TRPV6: variants seen among roughly 807,000 people sequenced by gnomAD.
TRPV6 encodes Alu-binding protein with zinc finger domain.
TRPV6 carries 39 observed loss-of-function variants against 79.0 expected under a neutral mutation model. The observed-to-expected ratio is 0.49, with a 90% CI of 0.38 to 0.64. The LOEUF is 0.64. Ranked by LOEUF, TRPV6 falls within the 30% of genes least tolerant of loss-of-function variation. The pLI, the probability that TRPV6 is intolerant of heterozygous loss-of-function variation, is 0.00. For missense variants in TRPV6, 813 were observed against 1,011.1 expected (o/e 0.80, Z 2.66); for synonymous variants, 373 against 391.9 (o/e 0.95, Z 0.57).
intron 14 of TRPV6, 143 bp downstream of exon 14, chr7:142,872,229 C>T (rs1794952072): frequency 6.0e-6 from 6 of 998,200 alleles, no homozygotes; most frequent in African/African-American, 4.9e-5. Context: ...GGGACCCCTT[C>T]CTCACCAGCT....
Position 142,873,729 on chromosome 7 carries a change from AG to A in TRPV6, c.1640-14del, listed in dbSNP as rs1563353641. ...ATGATATAGAAGGCTGCTCCACCCA[AG>A]GGGGTGAGGGTTACCATGGCAACCA... On this transcript the variant is annotated splice_polypyrimidine_tract_variant and intron_variant, in intron 12 of 14. Transcript: ENST00000359396. This position sits in a 1 kb window ranked among gnomAD's most constrained non-coding sequence, Gnocchi z 4.8. 2 of 1,611,860 alleles carry A rather than the reference AG, an allele frequency of 1.2e-6. No homozygotes were observed. Among genetic ancestry groups the A allele is most frequent in the South Asian group, 2.2e-5 (2 of 91,054 alleles).
intron 2 of TRPV6, 57 bp from the exon 3 acceptor site, chr7:142,877,830 G>A (rs774341570): frequency 6.2e-6 from 10 of 1,613,110 alleles, no homozygotes; most frequent in South Asian, 2.2e-5. Context: ...GATTGGAGAC[G>A]ATAGATTCAG....
chr7:142,871,842 C>T lies in TRPV6; in HGVS notation c.2163G>A (p.Met721Ile). 6.2e-7 allele frequency: 1 copy of T among 1,614,146 alleles called. No homozygotes were observed. Among genetic ancestry groups the T allele is most frequent in the African/African-American group, 1.3e-5 (1 of 75,016 alleles). The change falls in exon 15 of 15, where the codon ATG becomes ATA. Residue 721 changes from methionine (M) to isoleucine (I), a missense_variant. This residue lies in a region of TRPV6 where 164 missense variants were observed against 186.1 expected (regional missense o/e 0.88). Transcript: ENST00000359396. Reference sequence around the variant, plus strand: ...GGGAGGTACTTCGAGACACTGAGGGCATAGGAAGGGACAGGTGGGGGCTGA... The same window carrying T: ...GGGAGGTACTTCGAGACACTGAGGGTATAGGAAGGGACAGGTGGGGGCTGA...
intron 8 of TRPV6, 125 bp downstream of exon 8, chr7:142,875,343 G>A (rs1795036246): frequency 7.8e-7 from 1 of 1,279,252 alleles, no homozygotes; most frequent in Non-Finnish European, 1.1e-6. Flanking sequence ...TGCATTTGGA[G>A]TTTGTACCCA....
intron 9 of TRPV6, 26 bp from the exon 10 acceptor site, chr7:142,875,006 G>C (rs1309367207): frequency 2.1e-5 from 34 of 1,614,026 alleles, no homozygotes; most frequent in Admixed American, 3.3e-5. Context: ...AGACACAAAG[G>C]CACTCAGATA....
intron 1 of TRPV6, chr7:142,885,103 C>A: frequency 3.8e-6 from 1 of 260,740 alleles, no homozygotes; most frequent in Non-Finnish European, 7.4e-6. Context: ...TCCTTACAAG[C>A]CCCAGCAAGA....
At position 142,873,361 on chromosome 7, in the gene TRPV6, T is replaced by G; in HGVS notation, c.1908+87A>C. The stretch of plus-strand genomic sequence containing the variant: ...CACAACTGTCCAAACATAAGTGGGG[T>G]GGAGATATCCTGTCTCTCAGCTTGG... On this transcript the variant is annotated intron_variant, in intron 13 of 14. Coordinates refer to ENST00000359396, the MANE Select transcript of TRPV6 (RefSeq NM_018646.6). The surrounding 1 kb of genome is among the most constrained non-coding windows in gnomAD (Gnocchi z 4.8). 1.4e-5 allele frequency: 21 copies of G among 1,542,214 alleles called. No individual in the cohort carries two copies. The highest frequency in any genetic ancestry group is 1.6e-5 in the Non-Finnish European group (18 of 1,134,082).
At chr7:142,881,741 A>C (rs1795196093) in intron 1 of TRPV6, 1 of 152,204 alleles carries the variant, frequency 6.6e-6, no homozygotes, top group Non-Finnish European at 1.5e-5. Flanking sequence ...GAGCAAACAG[A>C]TCAATGACCT....
Position 142,871,790 on chromosome 7 carries a change from G to A in TRPV6, c.2215C>T (p.Arg739Trp), listed in dbSNP as rs752667387. The A allele has an allele frequency of 3.7e-5, 60 of 1,614,040 alleles. No individual in the cohort carries two copies. Among genetic ancestry groups the A allele is most frequent in the Admixed American group, 2.2e-4 (13 of 59,998 alleles). The change falls in exon 15 of 15, where the codon CGG becomes TGG. Residue 739 changes from arginine to tryptophan, a missense_variant. Physicochemically the swap from Arg to Trp is moderately radical, Grantham distance 101 (BLOSUM62 -3). Around this residue, in one of 3 missense-constraint regions of TRPV6, gnomAD observed 164 missense variants for 186.1 expected, o/e 0.88. Transcript: ENST00000359396. ...AGGTCTCTCCTCAGGGTCCCTTGCC[G>A]AAGCCTTTCCCAATTGGCACTGCTG...
At chr7:142,872,632 A>G (rs1794967737) in intron 13 of TRPV6, among the ~76,000 whole-genome samples, 154 bp from the exon 14 acceptor site, 1 of 152,200 alleles carries the variant, frequency 6.6e-6, no homozygotes, top group Non-Finnish European at 1.5e-5. Flanking sequence ...TCCATGACGC[A>G]GCCAGGCCAG....
In TRPV6 at chr7:142,877,914, A is replaced by C. The variant is rs1457659748; in HGVS notation, c.346+15T>G. ...GGGCTCACCTAGGAGATCATGCTGC[A>C]TTTGTGCTTCTTACCTCTCTGGTGC... On this transcript the variant is annotated intron_variant, in intron 2 of 14. Coordinates refer to ENST00000359396, the MANE Select transcript of TRPV6 (RefSeq NM_018646.6). 1.2e-6 allele frequency: 2 copies of C among 1,613,856 alleles called. No homozygotes were observed. The highest frequency in any genetic ancestry group is 4.5e-5 in the East Asian group (2 of 44,890).
In TRPV6 at chr7:142,873,559, A is replaced by G; in HGVS notation, c.1797T>C (p.Tyr599=). ...GTGTGGCGATGATGGCAAAGGCAGC[A>G]TAGGTGATGCTGTACATGAAGGGCA... is the stretch of plus-strand genomic sequence containing the variant. Residue 599 remains tyrosine, a synonymous_variant, in exon 13 of 15, where the codon TAT becomes TAC. Transcript: ENST00000359396. This position sits in a 1 kb window ranked among gnomAD's most constrained non-coding sequence, Gnocchi z 4.8. 6.2e-7 allele frequency: 1 copy of G among 1,614,240 alleles called. No homozygotes were observed. Among genetic ancestry groups the G allele is most frequent in the African/African-American group, 1.3e-5 (1 of 75,062 alleles).
Position 142,885,637 on chromosome 7 carries a change from C to G in TRPV6, c.-1G>C. 1.5e-6 allele frequency: 2 copies of G among 1,336,808 alleles called. No individual in the cohort carries two copies. The highest frequency in any genetic ancestry group is 3.0e-5 in the South Asian group (2 of 66,382). The allele number at this position is 1,336,808 out of a possible 1,614,324, so 82.8% of individuals were successfully genotyped here. A position where few individuals can be genotyped will look rare whatever the true frequency, so the allele number is the denominator to read the frequency against. ...CACCGTCTCCCTGTAGAGGTCCCGT[C>G]TCCTGTCTCCTGCCTTCCTGACGAG... is the stretch of plus-strand genomic sequence containing the variant. On this transcript the variant is annotated 5_prime_UTR_variant, in exon 1 of 15. Transcript: ENST00000359396.
intron 4 of TRPV6, 61 bp from the exon 5 acceptor site, chr7:142,876,898 C>G: frequency 6.3e-7 from 1 of 1,592,774 alleles, no homozygotes; most frequent in Non-Finnish European, 8.6e-7. Flanking sequence ...GGTGGACAGT[C>G]TCCCCCAAGT....
At position 142,877,669 on chromosome 7, in the gene TRPV6, T is replaced by C; in HGVS notation, c.451A>G (p.Thr151Ala). ...CCCTCACCCTCATAGAGCTCAGATG[T>C]CATGGGCTCAAAGACCAGCTCCGGG... The change falls in exon 3 of 15, where the codon ACA becomes GCA. Residue 151 changes from threonine to alanine, a missense_variant. Physicochemically the swap from Thr to Ala is moderately conservative, Grantham distance 58. Coordinates refer to ENST00000359396, the MANE Select transcript of TRPV6 (RefSeq NM_018646.6). 6.2e-7 allele frequency: 1 copy of C among 1,614,180 alleles called. No individual in the cohort carries two copies. Among genetic ancestry groups the C allele is most frequent in the Non-Finnish European group, 8.5e-7 (1 of 1,180,014 alleles).
At chr7:142,872,266 G>A in intron 14 of TRPV6, 106 bp downstream of exon 14, 1 of 1,208,080 alleles carries the variant, frequency 8.3e-7, no homozygotes, top group Non-Finnish European at 1.2e-6. Context: ...AGCCTAGGGA[G>A]CACACAGGCC....
Position 142,873,869 on chromosome 7 carries a change from T to C in TRPV6, c.1640-153A>G, listed in dbSNP as rs1563353693. On this transcript the variant is annotated intron_variant, in intron 12 of 14. Coordinates refer to ENST00000359396, the MANE Select transcript of TRPV6 (RefSeq NM_018646.6). The surrounding 1 kb of genome is among the most constrained non-coding windows in gnomAD (Gnocchi z 4.8). The stretch of plus-strand genomic sequence containing the variant: ...TTTGGGTTTTTACGGTCCCTAGTTT[T>C]GTATGAGCCTCATCTTGATCCTAAG... 6 of 1,169,164 alleles carry C rather than the reference T, an allele frequency of 5.1e-6. No homozygotes were observed. The highest frequency in any genetic ancestry group is 7.3e-6 in the Non-Finnish European group (6 of 823,606). The allele number at this position is 1,169,164 out of a possible 1,614,324, so 72.4% of individuals were successfully genotyped here. A position where few individuals can be genotyped will look rare whatever the true frequency, so the allele number is the denominator to read the frequency against.
At position 142,876,596 on chromosome 7, in the gene TRPV6, CAG is replaced by C. The variant is rs1795078297; in HGVS notation, c.707-15_707-14del. The C allele has an allele frequency of 3.7e-6, 6 of 1,613,708 alleles. No homozygotes were observed. Among genetic ancestry groups the C allele is most frequent in the African/African-American group, 1.3e-5 (1 of 74,864 alleles). ...AACACTGTGTTTCCTGGGGAGGACA[CAG>C]GGTATCATGTGGCCACTGGCCTAAA... On this transcript the variant is annotated splice_polypyrimidine_tract_variant and intron_variant, in intron 5 of 14. Coordinates refer to ENST00000359396, the MANE Select transcript of TRPV6 (RefSeq NM_018646.6).
Position 142,874,476 on chromosome 7 carries a change from G to A in TRPV6, c.1572+15C>T. 6.2e-7 allele frequency: 1 copy of A among 1,613,664 alleles called. No homozygotes were observed. Among genetic ancestry groups the A allele is most frequent in the Non-Finnish European group, 8.5e-7 (1 of 1,179,634 alleles). On this transcript the variant is annotated intron_variant, in intron 11 of 14. Transcript: ENST00000359396. ...TCTGGGGCCTTTCTCTAGGGAGCTT[G>A]GGGGGAGGACTGACCTTCTGAATCA... is the stretch of plus-strand genomic sequence containing the variant.
Sources: gnomAD v4.1 joint callset for allele counts (sites outside exome capture counted in the v4.1 genomes callset) on GRCh38, gnomAD v4.1.1 for gene constraint, gnomAD v4.1.1 regional missense constraint, Gnocchi (gnomAD v3.1) non-coding constraint, MANE v1.5 for transcripts, NCBI Gene and HGNC (gene_info 2026-07-23, HGNC 2026-07-21) for gene names.